Variants in NPAS3 observed in about 807,000 individuals in gnomAD.
NPAS3 encodes the protein neuronal PAS domain protein 3.
NPAS3 carries 14 observed loss-of-function variants against 73.1 expected under a neutral mutation model. The observed-to-expected ratio is 0.19, with a 90% CI of 0.13 to 0.30. NPAS3 has a LOEUF of 0.30. NPAS3 is among the 10% of genes least tolerant of loss of function. The probability of loss-of-function intolerance (pLI) is 1.00; values close to 1 mark genes in which losing one functional copy is unlikely to be tolerated. For missense variants in NPAS3, 1,096 were observed against 1,250.0 expected, an observed-to-expected ratio of 0.88 and a Z score of 1.86; for synonymous variants, 620 against 541.5, an observed-to-expected ratio of 1.14 and a Z score of -2.01.
chr14:32,965,221 C>T (rs78528799), intron 1 of NPAS3, among the ~76,000 whole-genome samples: 1,997 of 152,180 alleles, frequency 0.013, 18 homozygotes, highest in Non-Finnish European at 0.02. Context: ...TTCTAAAAGG[C>T]TAACATTACC....
rs577337586 is a variant in NPAS3 at position 33,004,015 on chromosome 14, C to A, written c.51-51890C>A. On this transcript the variant is annotated intron_variant, in intron 1 of 11. Transcript: ENST00000356141. ...GCACCTATTAACATGTGACTTAGGG[C>A]AAATTAGTTAACCACAGTTTTCTAA... Among the ~76,000 whole-genome samples, 133 of 152,154 alleles carry A rather than the reference C, an allele frequency of 8.7e-4. 1 individual carries two copies. The highest frequency in any genetic ancestry group is 1.4e-3 in the Non-Finnish European group (92 of 68,006).
chr14:33,056,111 G>GAA (rs35719018), intron 2 of NPAS3, 117 bp downstream of exon 2: 73,478 of 446,370 alleles, frequency 0.16, 4,809 homozygotes, highest in East Asian at 0.28. Flanking sequence ...TAGTGGGGGA[G>GAA]AAAAAAAAAC....
chr14:33,551,748 C>T (rs569879812), intron 4 of NPAS3, among the ~76,000 whole-genome samples: 1 of 152,228 alleles, frequency 6.6e-6, no homozygotes, highest in South Asian at 2.1e-4. Context: ...TATTTATTAC[C>T]CGTGGGGTCC....
intron 7 of NPAS3, among the ~76,000 whole-genome samples, chr14:33,767,014 C>CT (rs2062483975): frequency 1.3e-5 from 2 of 152,240 alleles, no homozygotes; most frequent in Non-Finnish European, 1.5e-5. Flanking sequence ...TTCTACTCTG[C>CT]TTCTGCCTCC....
rs1046854572 is a variant in NPAS3 at position 33,677,522 on chromosome 14, C to T, written c.733+1137C>T. 4.6e-5 allele frequency among the ~76,000 whole-genome samples: 7 copies of T among 151,980 alleles called. No individual in the cohort carries two copies. In the East Asian group the frequency reaches 1.2e-3, roughly 25 times the overall value. ...TTATTAACAAGAAAAATAGAAAAAC[C>T]TATGTTAAGATTAACATTAAAATAA... is the stretch of plus-strand genomic sequence containing the variant. On this transcript the variant is annotated intron_variant, in intron 6 of 11. Transcript: ENST00000356141.
intron 5 of NPAS3, among the ~76,000 whole-genome samples, chr14:33,625,996 T>C (rs1373354032): frequency 6.6e-6 from 1 of 152,182 alleles, no homozygotes; most frequent in Non-Finnish European, 1.5e-5. Context: ...TAAAATAGAA[T>C]TGTCAAAGAG....
intron 3 of NPAS3, among the ~76,000 whole-genome samples, chr14:33,278,104 G>C (rs986813474): frequency 2.0e-5 from 3 of 152,114 alleles, no homozygotes; most frequent in African/African-American, 7.2e-5. Context: ...GGATTTGAGA[G>C]ACAAGAAAGA....
intron 3 of NPAS3, among the ~76,000 whole-genome samples, chr14:33,289,461 T>C (rs1391929799): frequency 6.6e-6 from 1 of 152,162 alleles, no homozygotes; most frequent in Admixed American, 6.5e-5. Context: ...TTGGCCCTTT[T>C]AAAACCTGAA....
intron 7 of NPAS3, among the ~76,000 whole-genome samples, chr14:33,751,609 T>C (rs1353901034): frequency 6.6e-6 from 1 of 152,218 alleles, no homozygotes. Context: ...TTTGGTAAAA[T>C]ATAAGCAAAA....
intron 3 of NPAS3, among the ~76,000 whole-genome samples, chr14:33,364,894 T>C (rs1310837825): frequency 4.6e-5 from 7 of 152,104 alleles, no homozygotes; most frequent in Non-Finnish European, 4.4e-5. Flanking sequence ...TTTTCTGTGA[T>C]GTTTTAGGGT....
At chr14:33,112,919 A>T (rs924751047) in intron 2 of NPAS3, among the ~76,000 whole-genome samples, 1 of 152,198 alleles carries the variant, frequency 6.6e-6, no homozygotes, top group Non-Finnish European at 1.5e-5. Context: ...TTTATTAAAT[A>T]GGGAATCCTT....
chr14:33,434,187 C>T lies in NPAS3; in HGVS notation c.468+66919C>T, dbSNP rs528602953. Among the ~76,000 whole-genome samples the T allele has an allele frequency of 1.1e-4, 16 of 151,712 alleles. 1 individual carries two copies. Among genetic ancestry groups the T allele is most frequent in the Non-Finnish European group, 1.8e-4 (12 of 67,922 alleles). On this transcript the variant is annotated intron_variant, in intron 4 of 11. Coordinates refer to ENST00000356141, the Ensembl canonical transcript of NPAS3. ...AGCCTGGGCAGCAAGAGCAAAACTC[C>T]GTCTCTAAATAAATAAATAAATAAA...
chr14:33,102,817 CAG>C (rs1201064098), intron 2 of NPAS3, among the ~76,000 whole-genome samples: 3 of 152,162 alleles, frequency 2.0e-5, no homozygotes, highest in Non-Finnish European at 2.9e-5. Context: ...TAAACCAAAA[CAG>C]AGAAAATTAC....
intron 2 of NPAS3, among the ~76,000 whole-genome samples, chr14:33,090,569 G>A (rs1270113169): frequency 6.6e-6 from 1 of 152,138 alleles, no homozygotes; most frequent in Non-Finnish European, 1.5e-5. Context: ...ACACCCCACT[G>A]TCAACATTAG....
chr14:33,513,636 A>G (rs1186791222), intron 4 of NPAS3, among the ~76,000 whole-genome samples: 2 of 152,090 alleles, frequency 1.3e-5, no homozygotes, highest in Non-Finnish European at 2.9e-5. Context: ...AGGTCTTTCC[A>G]TCATTCCAAT....
At chr14:33,570,124 AAGAG>A (rs2056143271) in intron 5 of NPAS3, among the ~76,000 whole-genome samples, 3 of 152,234 alleles carry the variant, frequency 2.0e-5, no homozygotes, top group Admixed American at 1.3e-4. Context: ...GAGTGAAGGA[AAGAG>A]AGAGAGGCAC....
intron 5 of NPAS3, among the ~76,000 whole-genome samples, chr14:33,572,636 G>T (rs1387365146): frequency 3.3e-5 from 5 of 152,148 alleles, no homozygotes; most frequent in Admixed American, 6.5e-5. Flanking sequence ...GTTACCTCTG[G>T]ACGGTTTACG....
At chr14:33,026,064 C>T (rs190052098) in intron 1 of NPAS3, among the ~76,000 whole-genome samples, 3 of 152,320 alleles carry the variant, frequency 2.0e-5, no homozygotes, top group African/African-American at 4.8e-5. Context: ...GCAGCCTCTT[C>T]TCTTGTCTAC....
Position 33,788,646 on chromosome 14 carries a change from T to C in NPAS3, c.1154-5251T>C. Among the ~76,000 whole-genome samples the C allele has an allele frequency of 1.3e-5, 2 of 152,218 alleles. 1 individual carries two copies. The highest frequency in any genetic ancestry group is 2.9e-5 in the Non-Finnish European group (2 of 68,042). On this transcript the variant is annotated intron_variant, in intron 9 of 11. Coordinates refer to ENST00000356141, the Ensembl canonical transcript of NPAS3. ...CAGGAAGAGACCACGTTCTCTTTTT[T>C]TCTCCATATTTCTGAAGGCAAACTT...
Sources: gnomAD v4.1 joint callset for allele counts (sites outside exome capture counted in the v4.1 genomes callset) on GRCh38, gnomAD v4.1.1 for gene constraint, MANE v1.5 for transcripts, NCBI Gene and HGNC (gene_info 2026-07-23, HGNC 2026-07-21) for gene names.